RAB27A: variants seen among roughly 807,000 people sequenced by gnomAD.
The protein encoded by RAB27A is ras-related protein Rab-27A.
Under a neutral mutation model 20.8 loss-of-function variants are expected in RAB27A, and 17 were observed. That is an observed-to-expected ratio of 0.82 (90% CI 0.56 to 1.23). RAB27A has a LOEUF of 1.23. Ranked by LOEUF, RAB27A falls within the 50% of genes most tolerant of loss-of-function variation. The pLI, the probability that RAB27A is intolerant of heterozygous loss-of-function variation, is 0.00. For synonymous variants in RAB27A, 85 were observed against 92.8 expected, an observed-to-expected ratio of 0.92 and a Z score of 0.48; for missense variants, 277 against 266.7, an observed-to-expected ratio of 1.04 and a Z score of -0.27.
At chr15:55,225,221 T>C (rs1327764058) in intron 5 of RAB27A, among the ~76,000 whole-genome samples, 1 of 152,232 alleles carries the variant, frequency 6.6e-6, no homozygotes, top group Non-Finnish European at 1.5e-5. Flanking sequence ...TAAGGTGTTA[T>C]AGGTCCATGC....
chr15:55,252,788 G>A (rs1450971881), intron 2 of RAB27A, among the ~76,000 whole-genome samples: 2 of 152,124 alleles, frequency 1.3e-5, no homozygotes, highest in East Asian at 1.9e-4. Context: ...AACCTTCTAA[G>A]TTACAGCAAT....
chr15:55,314,747 G>C (rs2055036019), intron 1 of RAB27A, among the ~76,000 whole-genome samples: 1 of 152,094 alleles, frequency 6.6e-6, no homozygotes, highest in Admixed American at 6.6e-5. Flanking sequence ...ACAAACCACT[G>C]CTCAAGGAAA....
intron 1 of RAB27A, among the ~76,000 whole-genome samples, chr15:55,315,352 C>A (rs1316708084): frequency 1.3e-5 from 2 of 152,014 alleles, no homozygotes; most frequent in African/African-American, 4.8e-5. Flanking sequence ...TAGGCACGGG[C>A]AAAGACTTCA....
intron 5 of RAB27A, among the ~76,000 whole-genome samples, chr15:55,226,510 TG>T (rs1566907130): frequency 1.3e-5 from 1 of 74,222 alleles, no homozygotes; most frequent in Non-Finnish European, 2.4e-5. Flanking sequence ...TTTATGTATT[TG>T]TGTGTGTGTG....
intron 6 of RAB27A, among the ~76,000 whole-genome samples, chr15:55,216,263 G>A (rs1243589667): frequency 2.6e-5 from 4 of 152,118 alleles, no homozygotes; most frequent in South Asian, 2.1e-4. Context: ...GCCAGGCACC[G>A]TGGCTCACAC....
intron 2 of RAB27A, among the ~76,000 whole-genome samples, chr15:55,305,215 C>T (rs929852692): frequency 6.6e-6 from 1 of 152,186 alleles, no homozygotes; most frequent in African/African-American, 2.4e-5. Context: ...TCAGTCCCTA[C>T]TCCACAGGAA....
intron 1 of RAB27A, among the ~76,000 whole-genome samples, chr15:55,270,596 A>G (rs918986844): frequency 6.6e-6 from 1 of 152,200 alleles, no homozygotes; most frequent in African/African-American, 2.4e-5. Flanking sequence ...CCCGTGAATC[A>G]AAACAGTAGA....
In RAB27A at chr15:55,302,887, C is replaced by T. The variant is rs1286000465; in HGVS notation, c.-112+11152G>A. On this transcript the variant is annotated intron_variant, in intron 2 of 5. Transcript: ENST00000563262. ...GAGCCCCTCCGTCCGGCAGCTGCCC[C>T]GTCTGAGAAGTGAGGAGCCTCTCCG... Among the ~76,000 whole-genome samples, 8 of 140,460 alleles carry T rather than the reference C, an allele frequency of 5.7e-5. No homozygotes were observed. The South Asian group carries it at 9.6e-4, about 17-fold the overall frequency. The allele number at this position is 140,460 out of a possible 152,430, so 92.1% of individuals were successfully genotyped here. A position where few individuals can be genotyped will look rare whatever the true frequency, so the allele number is the denominator to read the frequency against.
In RAB27A at chr15:55,230,449, C is replaced by G. The variant is rs777409501; in HGVS notation, c.191G>C (p.Arg64Thr). The G allele has an allele frequency of 2.5e-6, 4 of 1,613,984 alleles. No individual in the cohort carries two copies. The South Asian group carries it at 3.3e-5, about 13-fold the overall frequency. Residue 64 changes from arginine (R) to threonine (T), a missense_variant, in exon 4 of 7, where the codon AGA becomes ACA. Coordinates refer to ENST00000336787, the MANE Select transcript of RAB27A (RefSeq NM_183235.3). ...TAACTGCAGGTGGATTCTCTGGCCT[C>G]TGCCAGTGGCTCCATCCGGCCCACT... ...RASGPDGATG[R>T]GQRIHLQLWD...
At chr15:55,208,134 C>A (rs556827092) in intron 6 of RAB27A, among the ~76,000 whole-genome samples, 1 of 152,042 alleles carries the variant, frequency 6.6e-6, no homozygotes, top group Admixed American at 6.6e-5. Context: ...CATCAATAAG[C>A]GCATGAATAG....
chr15:55,304,664 T>C (rs909817054), intron 2 of RAB27A, among the ~76,000 whole-genome samples: 2 of 152,190 alleles, frequency 1.3e-5, no homozygotes, highest in Non-Finnish European at 2.9e-5. Context: ...TCTAATTTTT[T>C]CCATGTTATA....
intron 1 of RAB27A, among the ~76,000 whole-genome samples, chr15:55,282,831 G>A (rs1023691967): frequency 6.6e-5 from 10 of 152,024 alleles, no homozygotes; most frequent in Admixed American, 4.6e-4. Flanking sequence ...GCACCTCCAC[G>A]AGAACCCCAT....
At chr15:55,291,368 G>C (rs2141138399), upstream of RAB27A, among the ~76,000 whole-genome samples, 1 of 152,132 alleles carries the variant, frequency 6.6e-6, no homozygotes, top group South Asian at 2.1e-4. Flanking sequence ...AAATTAGCAG[G>C]GCGTCGTGGC....
chr15:55,236,383 C>T (rs1896259262), intron 2 of RAB27A, among the ~76,000 whole-genome samples: 1 of 152,108 alleles, frequency 6.6e-6, no homozygotes, highest in Non-Finnish European at 1.5e-5. Flanking sequence ...TCTAGAGTAT[C>T]ACTGCTCACT....
chr15:55,290,214 G>C (rs1898273701), upstream of RAB27A: 1 of 152,206 alleles, frequency 6.6e-6, no homozygotes, highest in Non-Finnish European at 1.5e-5. Flanking sequence ...GTTCGCGGTC[G>C]CCACCGTAGC....
At chr15:55,312,761 T>G (rs2055026729) in intron 2 of RAB27A, among the ~76,000 whole-genome samples, 1 of 152,222 alleles carries the variant, frequency 6.6e-6, no homozygotes, top group African/African-American at 2.4e-5. Context: ...GTTAGGATTA[T>G]TCCTCAAATG....
chr15:55,205,286 C>G lies in RAB27A; in HGVS notation c.*221G>C, dbSNP rs1452304649. 2 of 597,848 alleles carry G rather than the reference C, an allele frequency of 3.3e-6. No individual in the cohort carries two copies. Among genetic ancestry groups the G allele is most frequent in the Non-Finnish European group, 5.9e-6 (2 of 338,610 alleles). The allele number at this position is 597,848 out of a possible 1,614,324, so 37.0% of individuals were successfully genotyped here. On this transcript the variant is annotated 3_prime_UTR_variant, in exon 7 of 7. Coordinates refer to ENST00000336787, the MANE Select transcript of RAB27A (RefSeq NM_183235.3). ...AAGGTTGTATAAGGCACTTTTGGCT[C>G]TGAAATATTTCTCCTAACTCTCAGG...
chr15:55,312,809 T>G (rs999111061), intron 2 of RAB27A, among the ~76,000 whole-genome samples: 5 of 152,216 alleles, frequency 3.3e-5, no homozygotes, highest in African/African-American at 9.7e-5. Flanking sequence ...GACTTGACTG[T>G]GCATCCTATG....
Position 55,307,296 on chromosome 15 carries a change from G to A in RAB27A, c.-112+6743C>T, listed in dbSNP as rs146515354. Among the ~76,000 whole-genome samples the A allele has an allele frequency of 3.2e-3, 485 of 152,136 alleles. 7 individuals are homozygous for A. The highest frequency in any genetic ancestry group is 0.026 in the Admixed American group (404 of 15,276). ...TGGTCAAGCAGAAGGTCATTGGTTA[G>A]GAAGGACCGTCCATACAGCATTCTG... On this transcript the variant is annotated intron_variant, in intron 2 of 5. Transcript: ENST00000563262.
Sources: allele counts gnomAD v4.1 joint callset (sites outside exome capture counted in the v4.1 genomes callset), GRCh38; gene constraint gnomAD v4.1.1; transcripts MANE v1.5; gene names NCBI Gene and HGNC (gene_info 2026-07-23, HGNC 2026-07-21).